TSHZ2: variants seen among roughly 807,000 people sequenced by gnomAD.
TSHZ2 encodes the protein teashirt homolog 2.
TSHZ2 carries 21 observed loss-of-function variants against 74.4 expected under a neutral mutation model. The ratio of observed to expected loss-of-function variants is 0.28; its 90% CI spans 0.20 to 0.41. The LOEUF is 0.41. Among genes scored for constraint, TSHZ2 ranks in the 10% least tolerant of loss-of-function variants. TSHZ2 has a pLI of 1.00. For synonymous variants in TSHZ2, 540 were observed against 515.3 expected, an observed-to-expected ratio of 1.05 and a Z score of -0.65; for missense variants, 1,244 against 1,293.5, an observed-to-expected ratio of 0.96 and a Z score of 0.59.
At chr20:53,437,265 G>A (rs868320391) in intron 2 of TSHZ2, among the ~76,000 whole-genome samples, 39 of 152,264 alleles carry the variant, frequency 2.6e-4, no homozygotes, top group Middle Eastern at 3.4e-3. Context: ...TTGAGGTCAG[G>A]AGTTCAAGAC....
At chr20:53,445,663 A>G (rs1199558805) in intron 2 of TSHZ2, among the ~76,000 whole-genome samples, 1 of 152,184 alleles carries the variant, frequency 6.6e-6, no homozygotes, top group African/African-American at 2.4e-5. Flanking sequence ...ACTGGTCCAT[A>G]TGGTGTCTGA....
chr20:53,205,857 A>C (rs930585958), intron 1 of TSHZ2, among the ~76,000 whole-genome samples: 1 of 152,210 alleles, frequency 6.6e-6, no homozygotes, highest in Non-Finnish European at 1.5e-5. Context: ...TCGTGATGCT[A>C]TAACTTATGA....
intron 2 of TSHZ2, among the ~76,000 whole-genome samples, chr20:53,473,828 G>A (rs1451527092): frequency 6.6e-6 from 1 of 152,182 alleles, no homozygotes; most frequent in African/African-American, 2.4e-5. Flanking sequence ...TGATGGAGCT[G>A]AAAACCAAGG....
In TSHZ2 at chr20:53,255,015, T is replaced by C. The variant is rs1990433397; in HGVS notation, c.1557T>C (p.Ser519=). 6.2e-7 allele frequency: 1 copy of C among 1,614,018 alleles called. No homozygotes were observed. Among genetic ancestry groups the C allele is most frequent in the Non-Finnish European group, 8.5e-7 (1 of 1,180,036 alleles). ...AGGGTGGAGGGGACATTTTGAAATC[T>C]TTGGAAAATACTGTCACCACAGCCA... ...GSKGGGDILK[S]LENTVTTAIN... Residue 519 remains serine, a synonymous_variant, in exon 2 of 3, where the codon TCT becomes TCC. Transcript: ENST00000371497. The surrounding 1 kb of genome is among the most constrained non-coding windows in gnomAD (Gnocchi z 4.1).
chr20:53,255,828 C>A lies in TSHZ2; in HGVS notation c.2370C>A (p.His790Gln). 1 of 1,612,832 alleles carries A rather than the reference C, an allele frequency of 6.2e-7. No individual in the cohort carries two copies. The change falls in exon 2 of 3, where the codon CAC becomes CAA. Residue 790 changes from histidine (H) to glutamine (Q), a missense_variant. Coordinates refer to ENST00000371497, the MANE Select transcript of TSHZ2 (RefSeq NM_173485.6). This position sits in a 1 kb window ranked among gnomAD's most constrained non-coding sequence, Gnocchi z 4.1. ...CTTGTATGTCCCCACCTCAGAAGCA[C>A]GCTCTGTCTGACATCGCCGACATGG... ...AQSCMSPPQK[H>Q]ALSDIADMVK... is the part of the protein sequence containing the mutation.
intron 2 of TSHZ2, among the ~76,000 whole-genome samples, chr20:53,452,381 C>T (rs1035828084): frequency 2.0e-5 from 3 of 152,164 alleles, no homozygotes; most frequent in Non-Finnish European, 4.4e-5. Flanking sequence ...AGGTAAATCA[C>T]TTGAGGTCAG....
chr20:53,052,074 C>A (rs966684579), intron 1 of TSHZ2, among the ~76,000 whole-genome samples: 2 of 152,182 alleles, frequency 1.3e-5, no homozygotes, highest in East Asian at 3.8e-4. Context: ...TACCACCAGT[C>A]TCCAGAACTT....
intron 2 of TSHZ2, among the ~76,000 whole-genome samples, chr20:53,344,283 C>G (rs1362701103): frequency 6.6e-6 from 1 of 152,070 alleles, no homozygotes; most frequent in Non-Finnish European, 1.5e-5. Context: ...TGTTAAGCAC[C>G]AGGCTTGCAT....
Position 53,034,414 on chromosome 20 carries a change from C to T in TSHZ2, c.40+61081C>T, listed in dbSNP as rs553108150. Among the ~76,000 whole-genome samples, 34 of 152,316 alleles carry T rather than the reference C, an allele frequency of 2.2e-4. No individual in the cohort carries two copies. In the South Asian group the frequency reaches 6.4e-3, roughly 29 times the overall value. ...TGAAAATCTACTCACTGGGCATCTACTTTGTGCCAGGCACTGGGTACTGGG... is the reference window on the plus strand; with the variant it reads ...TGAAAATCTACTCACTGGGCATCTATTTTGTGCCAGGCACTGGGTACTGGG... On this transcript the variant is annotated intron_variant, in intron 1 of 2. Transcript: ENST00000371497.
chr20:52,973,370 C>A (rs1981201882), intron 1 of TSHZ2, 37 bp downstream of exon 1: 3 of 1,548,690 alleles, frequency 1.9e-6, no homozygotes, highest in Admixed American at 2.0e-5. Context: ...CTGCCCTGTG[C>A]GCCGAGCTCC....
At chr20:53,139,662 A>G (rs894211156) in intron 1 of TSHZ2, among the ~76,000 whole-genome samples, 1 of 152,264 alleles carries the variant, frequency 6.6e-6, no homozygotes. Context: ...TGGCTGGCAC[A>G]TGGCAAGGCC....
intron 2 of TSHZ2, among the ~76,000 whole-genome samples, chr20:53,285,339 A>C (rs1214503245): frequency 3.3e-5 from 5 of 152,218 alleles, no homozygotes; most frequent in African/African-American, 1.2e-4. Context: ...CACCAAAATG[A>C]AAATAAAATT....
intron 1 of TSHZ2, among the ~76,000 whole-genome samples, chr20:53,091,613 T>A (rs1985888231): frequency 6.6e-6 from 1 of 152,248 alleles, no homozygotes; most frequent in Admixed American, 6.5e-5. Flanking sequence ...CTTAGATTTT[T>A]GAAGATGCAA....
At chr20:53,035,707 C>A (rs1406240915) in intron 1 of TSHZ2, among the ~76,000 whole-genome samples, 1 of 152,148 alleles carries the variant, frequency 6.6e-6, no homozygotes, top group East Asian at 1.9e-4. Context: ...AGGGAGCTTT[C>A]AGTTTAATGG....
At chr20:53,426,993 G>C (rs1983679830) in intron 2 of TSHZ2, among the ~76,000 whole-genome samples, 1 of 152,116 alleles carries the variant, frequency 6.6e-6, no homozygotes, top group East Asian at 1.9e-4. Flanking sequence ...TTGTCACAGG[G>C]CTTGATTGAC....
chr20:53,468,744 G>A (rs1985641260), intron 2 of TSHZ2, among the ~76,000 whole-genome samples: 1 of 149,634 alleles, frequency 6.7e-6, no homozygotes, highest in Non-Finnish European at 1.5e-5. Context: ...AAAGCTGAAG[G>A]CAGTGGGTCG....
At chr20:53,232,898 CACT>C (rs1346425909) in intron 1 of TSHZ2, among the ~76,000 whole-genome samples, 1 of 151,790 alleles carries the variant, frequency 6.6e-6, no homozygotes, top group African/African-American at 2.4e-5. Flanking sequence ...TAGTTTGCAC[CACT>C]GAGAAAAAAA....
At chr20:52,980,488 T>A (rs1327634755) in intron 1 of TSHZ2, among the ~76,000 whole-genome samples, 3 of 151,840 alleles carry the variant, frequency 2.0e-5, no homozygotes, top group Non-Finnish European at 4.4e-5. Flanking sequence ...AGATCACTGG[T>A]CTTAATTACT....
intron 1 of TSHZ2, among the ~76,000 whole-genome samples, chr20:52,989,339 G>A (rs1047678214): frequency 4.6e-5 from 7 of 152,012 alleles, no homozygotes; most frequent in Admixed American, 4.6e-4. Context: ...AATAAGAAAT[G>A]GAATGAAATG....
Sources: gnomAD v4.1 joint callset for allele counts (sites outside exome capture counted in the v4.1 genomes callset) on GRCh38, gnomAD v4.1.1 for gene constraint, Gnocchi (gnomAD v3.1) non-coding constraint, MANE v1.5 for transcripts, NCBI Gene and HGNC (gene_info 2026-07-23, HGNC 2026-07-21) for gene names.